FER: variants seen among roughly 807,000 people sequenced by gnomAD.
FER encodes the protein FER tyrosine kinase.
A neutral mutation model predicts 111.0 loss-of-function variants in FER; 63 were observed. That is an observed-to-expected ratio of 0.57 (90% CI 0.46 to 0.70). The LOEUF (loss-of-function observed/expected upper bound fraction) is 0.70, where lower values mean the gene tolerates loss of function less well. FER is among the 30% of genes least tolerant of loss of function. The probability of loss-of-function intolerance (pLI) is 0.00; values close to 1 mark genes in which losing one functional copy is unlikely to be tolerated. For synonymous variants in FER, 327 were observed against 313.9 expected (o/e 1.04, Z -0.44); for missense variants, 914 against 954.0 (o/e 0.96, Z 0.55).
intron 13 of FER, among the ~76,000 whole-genome samples, chr5:108,977,422 C>T (rs72789336): frequency 0.18 from 28,018 of 151,836 alleles, 2,753 homozygotes; most frequent in Non-Finnish European, 0.22. Context: ...ATCTGCTTTT[C>T]CAAGTTGTCT....
In FER at chr5:109,048,744, G is replaced by A. The variant is rs551034402; in HGVS notation, c.1924+1546G>A. On this transcript the variant is annotated intron_variant, in intron 16 of 19. Coordinates refer to ENST00000281092, the MANE Select transcript of FER (RefSeq NM_005246.4). ...TATATCTCAAAGCTAATTGCTGCTTGCAGTTTTTAAATTTTTTTCCAGAAA... is the reference window on the plus strand; with the variant it reads ...TATATCTCAAAGCTAATTGCTGCTTACAGTTTTTAAATTTTTTTCCAGAAA... Among the ~76,000 whole-genome samples, 36 of 152,126 alleles carry A rather than the reference G, an allele frequency of 2.4e-4. 1 individual carries two copies. Among genetic ancestry groups the A allele is most frequent in the African/African-American group, 8.4e-4 (35 of 41,522 alleles).
At chr5:109,123,397 C>G (rs1751265135) in intron 17 of FER, among the ~76,000 whole-genome samples, 1 of 151,904 alleles carries the variant, frequency 6.6e-6, no homozygotes, top group African/African-American at 2.4e-5. Context: ...GCCTCATGAT[C>G]CGCCCACCTC....
At chr5:109,149,893 G>C (rs1754631748) in intron 17 of FER, among the ~76,000 whole-genome samples, 1 of 152,104 alleles carries the variant, frequency 6.6e-6, no homozygotes, top group Non-Finnish European at 1.5e-5. Context: ...AGCAGGAAGT[G>C]AGCGGAAGGC....
chr5:108,954,836 C>CT lies in FER; in HGVS notation c.1442dup (p.Leu481PhefsTer11). ...AAGAACTGTTAAAAAAACAAGGAGACTTTTTGGTGCGAGAGAGTCATGGGA... is the reference window on the plus strand; with the variant it reads ...AAGAACTGTTAAAAAAACAAGGAGACTTTTTTGGTGCGAGAGAGTCATGGGA... On this transcript the variant is annotated frameshift_variant, in exon 12 of 20. Coordinates refer to ENST00000281092, the MANE Select transcript of FER (RefSeq NM_005246.4). LOFTEE classifies it high-confidence loss of function. The CT allele has an allele frequency of 6.2e-7, 1 of 1,612,046 alleles. No individual in the cohort carries two copies. Among genetic ancestry groups the CT allele is most frequent in the Non-Finnish European group, 8.5e-7 (1 of 1,179,080 alleles).
intron 13 of FER, among the ~76,000 whole-genome samples, chr5:109,010,627 T>C (rs1766140713): frequency 6.6e-6 from 1 of 152,184 alleles, no homozygotes; most frequent in African/African-American, 2.4e-5. Flanking sequence ...ACCCCACATC[T>C]TCTCTTCCCT....
chr5:109,018,245 G>A (rs1395023604), intron 13 of FER, among the ~76,000 whole-genome samples: 1 of 151,764 alleles, frequency 6.6e-6, no homozygotes, highest in Non-Finnish European at 1.5e-5. Flanking sequence ...TGACTAGAAA[G>A]TATCAGTATC....
chr5:108,957,744 G>C (rs573999253), intron 12 of FER, among the ~76,000 whole-genome samples: 1 of 151,480 alleles, frequency 6.6e-6, no homozygotes, highest in African/African-American at 2.4e-5. Context: ...TTTGACAATT[G>C]AATGTGTGCC....
At chr5:109,100,362 C>T (rs777916399) in intron 16 of FER, 34 bp from the exon 17 acceptor site, 2 of 1,604,622 alleles carry the variant, frequency 1.2e-6, no homozygotes, top group South Asian at 1.1e-5. Context: ...TTCATCATAA[C>T]TTTGTCTCAT....
chr5:108,929,594 G>T (rs1399650971), intron 10 of FER, among the ~76,000 whole-genome samples: 2 of 149,488 alleles, frequency 1.3e-5, no homozygotes, highest in African/African-American at 2.5e-5. Context: ...TACAAAGAAG[G>T]AGGTGATTTT....
chr5:108,971,002 A>G (rs1760572775), intron 13 of FER, among the ~76,000 whole-genome samples: 1 of 152,142 alleles, frequency 6.6e-6, no homozygotes, highest in Non-Finnish European at 1.5e-5. Flanking sequence ...TTCATACCTC[A>G]TATGTGAGAT....
intron 13 of FER, among the ~76,000 whole-genome samples, chr5:108,995,967 G>A (rs1763930968): frequency 1.3e-5 from 2 of 152,154 alleles, no homozygotes; most frequent in African/African-American, 4.8e-5. Context: ...TCTAACTGGT[G>A]TGAGATGGTA....
chr5:108,781,294 G>A (rs1754049589), intron 2 of FER, among the ~76,000 whole-genome samples: 1 of 152,084 alleles, frequency 6.6e-6, no homozygotes, highest in South Asian at 2.1e-4. Flanking sequence ...GGGTTCAAGC[G>A]ATTATCCTGC....
intron 13 of FER, among the ~76,000 whole-genome samples, chr5:108,993,291 C>T (rs1763503269): frequency 6.6e-6 from 1 of 152,252 alleles, no homozygotes; most frequent in Non-Finnish European, 1.5e-5. Context: ...AATCCCGGCA[C>T]CTCGGGAGGC....
intron 3 of FER, among the ~76,000 whole-genome samples, chr5:108,822,685 A>G (rs1360507290): frequency 1.3e-5 from 2 of 150,726 alleles, no homozygotes; most frequent in Non-Finnish European, 1.5e-5. Flanking sequence ...CAATACCACC[A>G]CATTGGGGAT....
At chr5:108,823,534 A>G (rs975657876) in intron 3 of FER, among the ~76,000 whole-genome samples, 2 of 152,148 alleles carry the variant, frequency 1.3e-5, no homozygotes, top group Admixed American at 6.5e-5. Flanking sequence ...GATTAGTGAT[A>G]CTGAGCACCT....
intron 17 of FER, among the ~76,000 whole-genome samples, chr5:109,144,586 T>C (rs906880891): frequency 6.6e-6 from 1 of 152,178 alleles, no homozygotes; most frequent in Non-Finnish European, 1.5e-5. Context: ...ATATCTGAAA[T>C]GTGCATTTGG....
intron 16 of FER, chr5:109,051,891 A>T (rs772048359): frequency 3.2e-6 from 5 of 1,561,796 alleles, no homozygotes; most frequent in East Asian, 2.2e-5. Context: ...GTGGGCAGGG[A>T]TCTCTTTTGC....
intron 17 of FER, among the ~76,000 whole-genome samples, chr5:109,134,763 T>C (rs763157639): frequency 2.0e-5 from 3 of 152,126 alleles, no homozygotes; most frequent in South Asian, 2.1e-4. Context: ...AAATGCATAA[T>C]TGAAACAAGT....
At chr5:109,122,702 C>G (rs1167857667) in intron 17 of FER, among the ~76,000 whole-genome samples, 2 of 152,096 alleles carry the variant, frequency 1.3e-5, no homozygotes, top group Non-Finnish European at 2.9e-5. Context: ...ATTGGGGTCT[C>G]TTTCTTTAGC....
Sources: allele counts gnomAD v4.1 joint callset (sites outside exome capture counted in the v4.1 genomes callset), GRCh38; gene constraint gnomAD v4.1.1; transcripts MANE v1.5; gene names NCBI Gene and HGNC (gene_info 2026-07-23, HGNC 2026-07-21).